IGSF10: variants seen among roughly 807,000 people sequenced by gnomAD.
The protein encoded by IGSF10 is calvaria mechanical force protein 608.
In IGSF10, 126 loss-of-function variants were observed where a neutral mutation model predicts 128.2. The observed-to-expected ratio is 0.98, with a 90% confidence interval of 0.85 to 1.14. IGSF10 has a LOEUF of 1.14. Ranked by LOEUF, IGSF10 falls within the 50% of genes most tolerant of loss-of-function variation. The pLI is 0.00. For missense variants in IGSF10, 3,295 were observed against 3,149.8 expected (o/e 1.05, Z -1.10); for synonymous variants, 1,185 against 1,146.2 (o/e 1.03, Z -0.68).
Position 151,445,236 on chromosome 3 carries a change from T to C in IGSF10, c.4745A>G (p.Glu1582Gly). 1.2e-6 allele frequency: 2 copies of C among 1,614,230 alleles called. No individual in the cohort carries two copies. Among genetic ancestry groups the C allele is most frequent in the Admixed American group, 3.3e-5 (2 of 60,038 alleles). Residue 1582 changes from glutamate to glycine, a missense_variant, in exon 6 of 8, where the codon GAA becomes GGA. Transcript: ENST00000282466. ...TGGCTTTTTGCCTTTTTCAGCAATTTCTGAGTATGGTTTGTGCCAAAATTG... is the reference window on the plus strand; with the variant it reads ...TGGCTTTTTGCCTTTTTCAGCAATTCCTGAGTATGGTTTGTGCCAAAATTG... The part of the protein sequence containing the change: ...ENQFWHKPYS[E>G]IAEKGKKPEV...
At chr3:151,480,092 G>C in the IGSF10 span, among the ~76,000 whole-genome samples, 10 of 152,154 alleles carry the variant, frequency 6.6e-5, no homozygotes, top group South Asian at 2.1e-3. Flanking sequence ...AGTTGCCTGA[G>C]AATGATGTCA....
the IGSF10 span, among the ~76,000 whole-genome samples, chr3:151,594,375 C>T: frequency 6.7e-6 from 1 of 149,504 alleles, no homozygotes; most frequent in African/African-American, 2.5e-5. Context: ...GCTCTGTCGC[C>T]CAGGCTGGAG....
At chr3:151,555,373 C>A in the IGSF10 span, among the ~76,000 whole-genome samples, 1 of 151,742 alleles carries the variant, frequency 6.6e-6, no homozygotes, top group Non-Finnish European at 1.5e-5. Context: ...TAGAGAGGAA[C>A]TAGGACTTAC....
At chr3:151,515,213 C>T in the IGSF10 span, among the ~76,000 whole-genome samples, 1 of 151,858 alleles carries the variant, frequency 6.6e-6, no homozygotes, top group South Asian at 2.1e-4. Flanking sequence ...GACTTGAAAC[C>T]AACCCAAATG....
In IGSF10 at chr3:151,437,623, C is replaced by G. The variant is rs1720466188; in HGVS notation, c.6938G>C (p.Cys2313Ser). Residue 2313 changes from cysteine to serine, a missense_variant, in exon 8 of 8, where the codon TGT becomes TCT. Physicochemically the swap from Cys to Ser is moderately radical, Grantham distance 112. Coordinates refer to ENST00000282466, the MANE Select transcript of IGSF10 (RefSeq NM_178822.5). ...CTCTCCACCTTCATTTCGGGCCACA[C>G]AGATAAAGTCGGCTGAATCTGAAAG... ...VRLSDSADFI[C>S]VARNEGGESV... 4 of 1,614,190 alleles carry G rather than the reference C, an allele frequency of 2.5e-6. No individual in the cohort carries two copies. Among genetic ancestry groups the G allele is most frequent in the Non-Finnish European group, 3.4e-6 (4 of 1,180,028 alleles).
At chr3:151,538,244 A>G in the IGSF10 span, among the ~76,000 whole-genome samples, 3 of 152,188 alleles carry the variant, frequency 2.0e-5, no homozygotes, top group African/African-American at 4.8e-5. Flanking sequence ...GACCACCATA[A>G]CACCAGAAAC....
At chr3:151,440,090 G>A (rs1374617432) in intron 7 of IGSF10, among the ~76,000 whole-genome samples, 1 of 152,100 alleles carries the variant, frequency 6.6e-6, no homozygotes, top group African/African-American at 2.4e-5. Context: ...GAGTGCAGTG[G>A]TGAGATCACG....
chr3:151,490,224 G>T, the IGSF10 span, among the ~76,000 whole-genome samples: 1 of 152,122 alleles, frequency 6.6e-6, no homozygotes, highest in Non-Finnish European at 1.5e-5. Flanking sequence ...GTAATCAAAA[G>T]ATATCGGGGT....
Position 151,445,566 on chromosome 3 carries a change from A to C in IGSF10, c.4415T>G (p.Leu1472Arg). The C allele has an allele frequency of 6.2e-7, 1 of 1,614,168 alleles. No homozygotes were observed. Among genetic ancestry groups the C allele is most frequent in the Non-Finnish European group, 8.5e-7 (1 of 1,179,986 alleles). ...GGGAGGGGAGATGGGAACTGGCATTAGAGTAGCACTGCTGCTCAAGAATGG... is the reference window on the plus strand; with the variant it reads ...GGGAGGGGAGATGGGAACTGGCATTCGAGTAGCACTGCTGCTCAAGAATGG... ...IPPFLSSSAT[L>R]MPVPISPPFT... The change falls in exon 6 of 8, where the codon CTA becomes CGA. Residue 1472 changes from leucine to arginine, a missense_variant. Physicochemically the swap from Leu to Arg is moderately radical, Grantham distance 102. Coordinates refer to ENST00000282466, the MANE Select transcript of IGSF10 (RefSeq NM_178822.5).
Position 151,447,485 on chromosome 3 carries a change from A to G in IGSF10, c.2496T>C (p.Pro832=), listed in dbSNP as rs892301510. The G allele has an allele frequency of 3.1e-6, 5 of 1,614,190 alleles. No homozygotes were observed. Among genetic ancestry groups the G allele is most frequent in the Non-Finnish European group, 4.2e-6 (5 of 1,179,996 alleles). ...CTGTGCCATAATTTATGTTTGTCATAGGACTATCAGATATTGTTCTGGAGT... is the reference window on the plus strand; with the variant it reads ...CTGTGCCATAATTTATGTTTGTCATGGGACTATCAGATATTGTTCTGGAGT... ...TADSRTISDS[P]MTNINYGTEF... is the part of the protein sequence containing the mutation. The change falls in exon 6 of 8, where the codon CCT becomes CCC. Residue 832 remains proline (P), a synonymous_variant. Coordinates refer to ENST00000282466, the MANE Select transcript of IGSF10 (RefSeq NM_178822.5).
the IGSF10 span, among the ~76,000 whole-genome samples, chr3:151,567,181 CAA>C: frequency 6.6e-6 from 1 of 152,136 alleles, no homozygotes; most frequent in Non-Finnish European, 1.5e-5. Context: ...GCAGTTGAGA[CAA>C]AGAGAGAGAA....
At chr3:151,469,708 T>G in the IGSF10 span, among the ~76,000 whole-genome samples, 1 of 152,152 alleles carries the variant, frequency 6.6e-6, no homozygotes, top group East Asian at 1.9e-4. Context: ...ATCCTAAACC[T>G]TTGCCTAAAT....
chr3:151,562,792 A>G, the IGSF10 span, among the ~76,000 whole-genome samples: 1 of 152,110 alleles, frequency 6.6e-6, no homozygotes, highest in African/African-American at 2.4e-5. Flanking sequence ...CAAGAGCCCA[A>G]AGAAGAGACC....
chr3:151,506,365 TAA>T, the IGSF10 span, among the ~76,000 whole-genome samples: 1 of 152,102 alleles, frequency 6.6e-6, no homozygotes, highest in African/African-American at 2.4e-5. Context: ...TAATTTTAGC[TAA>T]AAAACAGTAG....
the IGSF10 span, among the ~76,000 whole-genome samples, chr3:151,544,694 T>C: frequency 6.6e-6 from 1 of 151,336 alleles, no homozygotes; most frequent in African/African-American, 2.4e-5. Context: ...TTTCTCTCTT[T>C]TTTTTTTTTT....
Position 151,437,465 on chromosome 3 carries a change from G to A in IGSF10, c.7096C>T (p.Pro2366Ser), listed in dbSNP as rs555135512. 2 of 1,614,196 alleles carry A rather than the reference G, an allele frequency of 1.2e-6. No individual in the cohort carries two copies. The highest frequency in any genetic ancestry group is 1.1e-5 in the South Asian group (1 of 91,088). Residue 2366 changes from proline (P) to serine (S), a missense_variant, in exon 8 of 8, where the codon CCA becomes TCA. Physicochemically the swap from Pro to Ser is moderately conservative, Grantham distance 74. Transcript: ENST00000282466. ...ALNCSVDGNPPPEIIWILPNG... is the reference protein window; with the variant it reads ...ALNCSVDGNPSPEIIWILPNG... ...GGTAAAATCCAGATTATTTCAGGTG[G>A]TGGGTTACCATCAACAGAGCAATTC...
the IGSF10 span, among the ~76,000 whole-genome samples, chr3:151,548,093 C>T: frequency 1.3e-5 from 2 of 152,150 alleles, no homozygotes; most frequent in African/African-American, 4.8e-5. Flanking sequence ...ATATCCAACA[C>T]ATTATAGTGG....
At chr3:151,438,618 T>G (rs1720611689) in intron 7 of IGSF10, 21 bp from the exon 8 acceptor site, 1 of 1,585,402 alleles carries the variant, frequency 6.3e-7, no homozygotes, top group Non-Finnish European at 8.6e-7. Context: ...AAGAGATTCA[T>G]TTGAGTGTGC....
chr3:151,556,489 A>T, the IGSF10 span, among the ~76,000 whole-genome samples: 1 of 152,164 alleles, frequency 6.6e-6, no homozygotes. Flanking sequence ...TCATGCAAAA[A>T]ATGGAGAGAA....
Sources: gnomAD v4.1 joint callset for allele counts (sites outside exome capture counted in the v4.1 genomes callset) on GRCh38, gnomAD v4.1.1 for gene constraint, MANE v1.5 for transcripts, NCBI Gene and HGNC (gene_info 2026-07-23, HGNC 2026-07-21) for gene names.